AGBL1: variants seen among roughly 807,000 people sequenced by gnomAD.
The protein encoded by AGBL1 is cytosolic carboxypeptidase 4.
In AGBL1, 130 loss-of-function variants were observed where a neutral mutation model predicts 118.9. The observed-to-expected ratio is 1.09, with a 90% CI of 0.95 to 1.26. The LOEUF is 1.26. Among genes scored for constraint, AGBL1 ranks in the 50% most tolerant of loss-of-function variants. The probability of loss-of-function intolerance (pLI) is 0.00; values close to 1 mark genes in which losing one functional copy is unlikely to be tolerated. For missense variants in AGBL1, 1,584 were observed against 1,298.1 expected, an observed-to-expected ratio of 1.22 and a Z score of -3.38; for synonymous variants, 555 against 478.9, an observed-to-expected ratio of 1.16 and a Z score of -2.08.
intron 19 of AGBL1, among the ~76,000 whole-genome samples, chr15:86,525,092 T>A (rs979669064): frequency 6.6e-6 from 1 of 152,100 alleles, no homozygotes. Context: ...TCAATAGCAC[T>A]GCTGTATACC....
intron 22 of AGBL1, among the ~76,000 whole-genome samples, chr15:86,853,204 A>G (rs1168688636): frequency 6.6e-6 from 1 of 152,190 alleles, no homozygotes; most frequent in African/African-American, 2.4e-5. Flanking sequence ...TCTCCTTGGT[A>G]TGCCAAATCA....
chr15:86,478,316 T>G (rs1182993603), intron 18 of AGBL1, among the ~76,000 whole-genome samples: 1 of 152,326 alleles, frequency 6.6e-6, no homozygotes, highest in African/African-American at 2.4e-5. Context: ...ATGACATGAT[T>G]GTATATTTAG....
intron 22 of AGBL1, among the ~76,000 whole-genome samples, chr15:86,718,511 T>A (rs1235022923): frequency 6.6e-6 from 1 of 151,990 alleles, no homozygotes; most frequent in East Asian, 1.9e-4. Flanking sequence ...TGTGCACATG[T>A]ACCTTAGAAC....
chr15:86,644,954 G>A (rs565403380), intron 21 of AGBL1, among the ~76,000 whole-genome samples: 10 of 152,208 alleles, frequency 6.6e-5, no homozygotes, highest in African/African-American at 1.9e-4. Flanking sequence ...CGAGGAGGCG[G>A]AGGTTGCAGC....
chr15:86,522,803 C>A lies in AGBL1; in HGVS notation c.2556-7C>A. 6.2e-7 allele frequency: 1 copy of A among 1,613,130 alleles called. No homozygotes were observed. On this transcript the variant is annotated splice_region_variant and splice_polypyrimidine_tract_variant and intron_variant, in intron 18 of 22. Coordinates refer to ENST00000614907, the MANE Select transcript of AGBL1 (RefSeq NM_001386094.1). The stretch of plus-strand genomic sequence containing the variant: ...TGTATTTATTTGCTTATTATTTGTT[C>A]CTGTAGCCACAGATGCTCACTGAGC...
chr15:86,148,458 G>A (rs2077061467), intron 3 of AGBL1, among the ~76,000 whole-genome samples: 1 of 152,140 alleles, frequency 6.6e-6, no homozygotes, highest in Non-Finnish European at 1.5e-5. Context: ...GAAAAACATG[G>A]CACAAGAACT....
At chr15:86,321,662 A>G (rs1020520251) in intron 17 of AGBL1, among the ~76,000 whole-genome samples, 1 of 152,010 alleles carries the variant, frequency 6.6e-6, no homozygotes, top group Non-Finnish European at 1.5e-5. Flanking sequence ...CTGTAATCCC[A>G]GATACTTGGG....
intron 21 of AGBL1, among the ~76,000 whole-genome samples, chr15:86,670,398 G>A (rs1329172671): frequency 6.6e-6 from 1 of 151,942 alleles, no homozygotes; most frequent in African/African-American, 2.4e-5. Context: ...GAGGTCAGGA[G>A]TTTGAGACCA....
chr15:86,298,245 TAATATATATA>T (rs2079678430), intron 17 of AGBL1, among the ~76,000 whole-genome samples: 2 of 39,626 alleles, frequency 5.0e-5, no homozygotes, highest in African/African-American at 2.0e-4. Flanking sequence ...TGTCTGTGTA[TAATATATATA>T]TATATATATA....
intron 22 of AGBL1, among the ~76,000 whole-genome samples, chr15:86,780,721 G>A (rs1048082164): frequency 1.3e-5 from 2 of 150,320 alleles, no homozygotes; most frequent in Non-Finnish European, 3.0e-5. Flanking sequence ...GAGCTCAGTG[G>A]CGTGATATCT....
chr15:86,694,002 A>G (rs2086215091), intron 22 of AGBL1, among the ~76,000 whole-genome samples: 4 of 152,004 alleles, frequency 2.6e-5, no homozygotes. Context: ...CTATGGCCTT[A>G]TAGTATAGTT....
At chr15:86,337,600 A>G (rs1186996530) in intron 17 of AGBL1, among the ~76,000 whole-genome samples, 1 of 152,152 alleles carries the variant, frequency 6.6e-6, no homozygotes, top group East Asian at 1.9e-4. Flanking sequence ...GCAAACTAAC[A>G]CAGGAACAGA....
At chr15:86,427,384 C>T (rs1184445394) in intron 18 of AGBL1, among the ~76,000 whole-genome samples, 4 of 152,036 alleles carry the variant, frequency 2.6e-5, no homozygotes, top group African/African-American at 9.7e-5. Context: ...ATTAATTAGG[C>T]AATATTTCTA....
intron 22 of AGBL1, among the ~76,000 whole-genome samples, chr15:86,787,213 C>G (rs2141321784): frequency 6.6e-6 from 1 of 152,082 alleles, no homozygotes; most frequent in East Asian, 1.9e-4. Flanking sequence ...ACAACATATC[C>G]ATAACCTTCC....
chr15:86,080,269 G>T, intron 1 of AGBL1: 1 of 355,086 alleles, frequency 2.8e-6, no homozygotes, highest in Non-Finnish European at 5.0e-6. Flanking sequence ...CAGAGGCTCT[G>T]GGTAAAAGAT....
At chr15:86,624,022 A>T (rs2084849119) in intron 21 of AGBL1, among the ~76,000 whole-genome samples, 1 of 152,244 alleles carries the variant, frequency 6.6e-6, no homozygotes, top group African/African-American at 2.4e-5. Flanking sequence ...CCTTTCCATA[A>T]GAGAAAGAAT....
chr15:86,764,214 A>C (rs2078065752), intron 22 of AGBL1, among the ~76,000 whole-genome samples: 1 of 152,022 alleles, frequency 6.6e-6, no homozygotes, highest in South Asian at 2.1e-4. Flanking sequence ...CAAACCAGGG[A>C]TTGAAGGGCA....
At chr15:86,780,112 C>A (rs1217070463) in intron 22 of AGBL1, among the ~76,000 whole-genome samples, 2 of 152,086 alleles carry the variant, frequency 1.3e-5, no homozygotes, top group African/African-American at 4.8e-5. Flanking sequence ...ATTGTCTTAC[C>A]TTTCACATTT....
intron 21 of AGBL1, among the ~76,000 whole-genome samples, chr15:86,656,762 C>T (rs905654149): frequency 5.9e-5 from 9 of 152,068 alleles, no homozygotes; most frequent in African/African-American, 1.9e-4. Context: ...CCATTGTTTA[C>T]CTTCCATGGA....
Sources: allele counts gnomAD v4.1 joint callset (sites outside exome capture counted in the v4.1 genomes callset), GRCh38; gene constraint gnomAD v4.1.1; transcripts MANE v1.5; gene names NCBI Gene and HGNC (gene_info 2026-07-23, HGNC 2026-07-21).